GGA1: variants seen among roughly 807,000 people sequenced by gnomAD.
GGA1 encodes golgi associated, gamma adaptin ear containing, ARF binding protein 1, also known as ADP-ribosylation factor-binding protein GGA1.
A neutral mutation model predicts 76.9 loss-of-function variants in GGA1; 18 were observed. The observed-to-expected ratio is 0.23, with a 90% CI of 0.16 to 0.35. GGA1 has a LOEUF of 0.35. Ranked by LOEUF, GGA1 falls within the 10% of genes least tolerant of loss-of-function variation. GGA1 has a pLI of 1.00. For synonymous variants in GGA1, 342 were observed against 354.7 expected (o/e 0.96, Z 0.40); for missense variants, 755 against 859.0 (o/e 0.88, Z 1.51).
chr22:37,617,422 T>C (rs1929018225), intron 3 of GGA1: 2 of 1,056,706 alleles, frequency 1.9e-6, no homozygotes. Context: ...TTGCATCTGT[T>C]CAATAGCAGA....
Position 37,624,135 on chromosome 22 carries a change from C to G in GGA1, c.832+502C>G. 1 of 166,590 alleles carries G rather than the reference C, an allele frequency of 6.0e-6. No homozygotes were observed. The highest frequency in any genetic ancestry group is 1.3e-4 in the South Asian group (1 of 7,604). The allele number at this position is 166,590 out of a possible 1,614,324, so 10.3% of individuals were successfully genotyped here. ...TCTGCCCACGTGTCAGCCTGGGCCACTTGGGCTGCGGTCTGGGTACCATCC... is the reference window on the plus strand; with the variant it reads ...TCTGCCCACGTGTCAGCCTGGGCCAGTTGGGCTGCGGTCTGGGTACCATCC... On this transcript the variant is annotated intron_variant, in intron 9 of 16. Transcript: ENST00000343632. The surrounding 1 kb of genome is among the most constrained non-coding windows in gnomAD (Gnocchi z 4.3).
At chr22:37,627,328 G>GGGAGAGCTGAAGGGGAA (rs1164632980) in intron 11 of GGA1, among the ~76,000 whole-genome samples, 2 of 152,302 alleles carry the variant, frequency 1.3e-5, no homozygotes, top group East Asian at 1.9e-4. Context: ...GGAGTGTGGA[G>GGGAGAGCTGAAGGGGAA]GGAGAGCTGA....
intron 11 of GGA1, among the ~76,000 whole-genome samples, chr22:37,628,410 G>A (rs1489867304): frequency 2.6e-5 from 4 of 152,190 alleles, no homozygotes; most frequent in Admixed American, 2.0e-4. Flanking sequence ...ATATCACACA[G>A]CCAAGTGGCA....
chr22:37,610,866 G>T (rs1467196288), intron 1 of GGA1, among the ~76,000 whole-genome samples: 1 of 152,206 alleles, frequency 6.6e-6, no homozygotes, highest in Non-Finnish European at 1.5e-5. Flanking sequence ...GGCCAAGGAG[G>T]TCAGTCAGAT....
intron 6 of GGA1, among the ~76,000 whole-genome samples, chr22:37,621,197 G>A (rs55872911): frequency 0.068 from 10,340 of 152,252 alleles, 402 homozygotes; most frequent in South Asian, 0.13. Context: ...TTTGTTAAAA[G>A]TTAATAAAAT....
At chr22:37,619,170 A>G (rs1336702851) in intron 4 of GGA1, among the ~76,000 whole-genome samples, 1 of 152,110 alleles carries the variant, frequency 6.6e-6, no homozygotes, top group African/African-American at 2.4e-5. Context: ...GGTTCAAGCA[A>G]TTCTCCTGCC....
In GGA1 at chr22:37,631,075, G is replaced by A; in HGVS notation, c.1504G>A (p.Val502Met). ...CGAGCTCTCACTGGCCAGCATCACT[G>A]TGCCCCTGGAGTCCATCAAACCCAG... ...PTELSLASIT[V>M]PLESIKPSNI... The change falls in exon 14 of 17, where the codon GTG becomes ATG. Residue 502 changes from valine to methionine, a missense_variant. Val to Met is a conservative substitution (Grantham distance 21). Transcript: ENST00000343632. 6.2e-7 allele frequency: 1 copy of A among 1,601,658 alleles called. No homozygotes were observed. The highest frequency in any genetic ancestry group is 8.5e-7 in the Non-Finnish European group (1 of 1,175,484).
intron 14 of GGA1, 85 bp downstream of exon 14, chr22:37,631,184 A>T: frequency 8.7e-7 from 1 of 1,146,784 alleles, no homozygotes; most frequent in Non-Finnish European, 1.2e-6. Context: ...CTAGTGGGAA[A>T]GCAGGGCTCC....
At chr22:37,629,253 C>T (rs776419205) in intron 11 of GGA1, among the ~76,000 whole-genome samples, 1 of 152,180 alleles carries the variant, frequency 6.6e-6, no homozygotes, top group Non-Finnish European at 1.5e-5. Flanking sequence ...AGAGGGGAAG[C>T]GTGTGTGGGG....
chr22:37,630,718 T>C, intron 13 of GGA1, 185 bp from the exon 14 acceptor site: 3 of 577,110 alleles, frequency 5.2e-6, no homozygotes, highest in Middle Eastern at 4.5e-4. Context: ...AGGTGTGCGC[T>C]ACCACGCCCA....
chr22:37,627,981 C>T (rs538434666), intron 11 of GGA1, among the ~76,000 whole-genome samples: 2 of 152,266 alleles, frequency 1.3e-5, no homozygotes, highest in East Asian at 3.9e-4. Context: ...TGTGTGCCAC[C>T]ACACCCGGTT....
In GGA1 at chr22:37,631,009, T is replaced by A; in HGVS notation, c.1438T>A (p.Ser480Thr). The A allele has an allele frequency of 6.2e-7, 1 of 1,613,290 alleles. No homozygotes were observed. ...SSATSLLHTV[S>T]PEPPRPPQQP... ...CGCCACCAGCCTTCTCCACACCGTG[T>A]CCCCAGAGCCCCCCAGGCCTCCGCA... Residue 480 changes from serine (S) to threonine (T), a missense_variant, in exon 14 of 17, where the codon TCC becomes ACC. Physicochemically the swap from Ser to Thr is moderately conservative, Grantham distance 58. Coordinates refer to ENST00000343632, the MANE Select transcript of GGA1 (RefSeq NM_013365.5).
At chr22:37,620,120 C>G in intron 4 of GGA1, 118 bp from the exon 5 acceptor site, 2 of 1,147,014 alleles carry the variant, frequency 1.7e-6, no homozygotes, top group South Asian at 2.7e-5. Flanking sequence ...TATGAGGACC[C>G]TGTAGGCTAG....
intron 1 of GGA1, among the ~76,000 whole-genome samples, chr22:37,612,340 C>T (rs1287786764): frequency 1.4e-4 from 20 of 146,022 alleles, no homozygotes; most frequent in East Asian, 4.0e-4. Context: ...GGCGTGGTGG[C>T]GGGCACCTGT....
chr22:37,609,164 G>A, intron 1 of GGA1: 1 of 1,444,378 alleles, frequency 6.9e-7, no homozygotes, highest in Non-Finnish European at 9.2e-7. Flanking sequence ...AGTGAGCTGC[G>A]CCGGGAACCC....
chr22:37,631,568 A>T (rs1260436990), intron 14 of GGA1, among the ~76,000 whole-genome samples: 2 of 152,102 alleles, frequency 1.3e-5, no homozygotes, highest in Non-Finnish European at 2.9e-5. Context: ...GTGACCAAAG[A>T]CACTACCCCC....
chr22:37,612,960 T>G, intron 1 of GGA1: 12 of 985,176 alleles, frequency 1.2e-5, no homozygotes, highest in Non-Finnish European at 1.4e-5. Context: ...CATTTCTGGA[T>G]TCAGTCTTCC....
At chr22:37,609,011 G>A (rs929180860) in intron 1 of GGA1, 108 bp downstream of exon 1, 1 of 1,362,158 alleles carries the variant, frequency 7.3e-7, no homozygotes, top group Non-Finnish European at 9.4e-7. Context: ...CTCACGCCCC[G>A]CCCCCGGCCC....
At position 37,622,333 on chromosome 22, in the gene GGA1, G is replaced by A. The variant is rs541890598; in HGVS notation, c.609+637G>A. ...TGGGCTCAAGCAATCTGCCTGCCTC[G>A]GCGTCCCAAAGTGCTGGGATTACAG... On this transcript the variant is annotated intron_variant, in intron 7 of 16. Coordinates refer to ENST00000343632, the MANE Select transcript of GGA1 (RefSeq NM_013365.5). Among the ~76,000 whole-genome samples the A allele has an allele frequency of 9.2e-5, 14 of 152,076 alleles. No homozygotes were observed. The South Asian group carries it at 1.9e-3, about 20-fold the overall frequency.
Sources: allele counts gnomAD v4.1 joint callset (sites outside exome capture counted in the v4.1 genomes callset), GRCh38; gene constraint gnomAD v4.1.1; non-coding constraint Gnocchi (gnomAD v3.1); transcripts MANE v1.5; gene names NCBI Gene and HGNC (gene_info 2026-07-23, HGNC 2026-07-21).